The following CNOT1 variants were observed in gnomAD, a reference collection of about 807,000 sequenced individuals.
CNOT1 encodes the protein CCR4-NOT transcription complex subunit 1, also known as CCR4-associated factor 1.
CNOT1 carries 15 observed loss-of-function variants against 273.8 expected under a neutral mutation model. That is an observed-to-expected ratio of 0.05 (90% CI 0.04 to 0.08). The LOEUF is 0.08. CNOT1 is among the 10% of genes least tolerant of loss of function. The probability of loss-of-function intolerance (pLI) is 1.00; values close to 1 mark genes in which losing one functional copy is unlikely to be tolerated. For synonymous variants in CNOT1, 1,022 were observed against 1,005.5 expected, an observed-to-expected ratio of 1.02 and a Z score of -0.31; for missense variants, 1,644 against 2,912.2, an observed-to-expected ratio of 0.56 and a Z score of 10.02.
chr16:58,588,478 G>A (rs1406034106), intron 3 of CNOT1, among the ~76,000 whole-genome samples: 1 of 151,982 alleles, frequency 6.6e-6, no homozygotes, highest in Non-Finnish European at 1.5e-5. Context: ...TGCCAGATGG[G>A]GAATAAAGCT....
rs752414087 is a variant in CNOT1 at position 58,528,604 on chromosome 16, C to T, written c.6324G>A (p.Glu2108=). 1 of 1,613,690 alleles carries T rather than the reference C, an allele frequency of 6.2e-7. No individual in the cohort carries two copies. The highest frequency in any genetic ancestry group is 8.5e-7 in the Non-Finnish European group (1 of 1,179,778). Residue 2108 remains glutamate, a synonymous_variant, in exon 44 of 49, where the codon GAG becomes GAA. Coordinates refer to ENST00000317147, the MANE Select transcript of CNOT1 (RefSeq NM_016284.5). Reference sequence around the variant, plus strand: ...ACCCATAATGGTAATCACAAAGGAACTCTGGGAAATCATGCAAAAGAACCA... The same window carrying T: ...ACCCATAATGGTAATCACAAAGGAATTCTGGGAAATCATGCAAAAGAACCA... ...VLLVLLHDFP[E]FLCDYHYGFC...
intron 25 of CNOT1, among the ~76,000 whole-genome samples, chr16:58,549,314 G>A (rs577186826): frequency 2.7e-5 from 4 of 149,886 alleles, no homozygotes; most frequent in Non-Finnish European, 5.9e-5. Flanking sequence ...AAAAAAAAGG[G>A]GGCTACAGCA....
intron 22 of CNOT1, among the ~76,000 whole-genome samples, chr16:58,553,081 T>C (rs1412173222): frequency 6.6e-6 from 1 of 152,170 alleles, no homozygotes; most frequent in African/African-American, 2.4e-5. Flanking sequence ...AAGACCAGCC[T>C]GGCCAACATG....
At chr16:58,534,965 T>C (rs960742661) in intron 39 of CNOT1, among the ~76,000 whole-genome samples, 2 of 152,174 alleles carry the variant, frequency 1.3e-5, no homozygotes, top group East Asian at 3.8e-4. Flanking sequence ...AAATGTTACA[T>C]TAAGTTAAAA....
chr16:58,551,382 T>C, intron 23 of CNOT1, 110 bp from the exon 24 acceptor site: 1 of 1,289,540 alleles, frequency 7.8e-7, no homozygotes. Context: ...GGTATGACTG[T>C]GTATTAGAAA....
At chr16:58,588,362 A>T (rs554524375) in intron 3 of CNOT1, among the ~76,000 whole-genome samples, 10 of 152,010 alleles carry the variant, frequency 6.6e-5, no homozygotes, top group African/African-American at 2.2e-4. Flanking sequence ...GAGTTTTTTA[A>T]AAAAAAAACT....
intron 46 of CNOT1, 58 bp from the exon 47 acceptor site, chr16:58,523,560 A>G (rs2039481471): frequency 6.4e-7 from 1 of 1,551,824 alleles, no homozygotes; most frequent in Non-Finnish European, 8.8e-7. Context: ...ATGGGAAGAC[A>G]GTTCTAACTG....
rs375062101 is a variant in CNOT1, at chr16:58,549,700, T to C, written c.3522+19A>G. On this transcript the variant is annotated intron_variant, in intron 25 of 48. Coordinates refer to ENST00000317147, the MANE Select transcript of CNOT1 (RefSeq NM_016284.5). ...AATTCAAAGCAATAATTAAAGGAAA[T>C]ATAAGAACCAACTCTTACTTTAATG... The C allele has an allele frequency of 1.6e-5, 25 of 1,574,800 alleles. No homozygotes were observed. Among genetic ancestry groups the C allele is most frequent in the Non-Finnish European group, 2.1e-5 (24 of 1,166,796 alleles).
chr16:58,538,265 A>C lies in CNOT1; in HGVS notation c.5137T>G (p.Cys1713Gly). ...TATTCATCTCGACATTCAATTAGGC[A>C]CCTAGAAAAAGTTCAATATCTTTAC... ...SPWCNKQITRCLIECRDEYKY... is the reference protein window; with the variant it reads ...SPWCNKQITRGLIECRDEYKY... The change falls in exon 37 of 49, where the codon TGC becomes GGC. Residue 1713 changes from cysteine (C) to glycine (G), a missense_variant and splice_region_variant. Transcript: ENST00000317147. 8.1e-7 allele frequency: 1 copy of C among 1,240,646 alleles called. No individual in the cohort carries two copies. The highest frequency in any genetic ancestry group is 1.2e-5 in the South Asian group (1 of 83,570). 76.9% of individuals were successfully genotyped at this position (1,240,646 alleles called of 1,614,324 possible). A position where few individuals can be genotyped will look rare whatever the true frequency, so the allele number is the denominator to read the frequency against.
At chr16:58,581,614 T>A (rs2041658647) in intron 10 of CNOT1, 99 bp from the exon 11 acceptor site, 3 of 1,433,230 alleles carry the variant, frequency 2.1e-6, no homozygotes, top group Non-Finnish European at 2.7e-6. Context: ...ATTTAGATGT[T>A]CTACTTACAA....
intron 44 of CNOT1, chr16:58,528,163 T>C (rs2039663767): frequency 3.9e-6 from 2 of 518,922 alleles, no homozygotes; most frequent in Non-Finnish European, 7.4e-6. Context: ...TTCTTTGCCA[T>C]GTGGGGCACA....
chr16:58,570,581 C>T (rs2151957263), intron 16 of CNOT1, among the ~76,000 whole-genome samples: 1 of 152,272 alleles, frequency 6.6e-6, no homozygotes, highest in East Asian at 1.9e-4. Flanking sequence ...GAGCTGTGAT[C>T]GTGTCCTGCG....
At chr16:58,593,008 C>A (rs1369229426) in intron 2 of CNOT1, among the ~76,000 whole-genome samples, 1 of 152,096 alleles carries the variant, frequency 6.6e-6, no homozygotes, top group Non-Finnish European at 1.5e-5. Context: ...CTCAAGCATG[C>A]CCAAGATTGT....
intron 33 of CNOT1, among the ~76,000 whole-genome samples, chr16:58,541,827 T>C (rs2040103518): frequency 6.6e-6 from 1 of 152,192 alleles, no homozygotes; most frequent in Non-Finnish European, 1.5e-5. Flanking sequence ...TCACCTCATT[T>C]ATAAATTAAC....
At chr16:58,584,249 CTTCT>C (rs75514500) in intron 8 of CNOT1, among the ~76,000 whole-genome samples, 118 of 152,082 alleles carry the variant, frequency 7.8e-4, no homozygotes, top group Non-Finnish European at 1.5e-3. Flanking sequence ...TATCTTCAAT[CTTCT>C]TTAAGATTTT....
Position 58,574,593 on chromosome 16 carries a change from T to C in CNOT1, c.1979+16A>G, listed in dbSNP as rs761478526. Reference sequence around the variant, plus strand: ...TCCAATTCAAAAAAAGTCATATTCATGTATGTACTTCTTACCCTGCACAAG... The same window carrying C: ...TCCAATTCAAAAAAAGTCATATTCACGTATGTACTTCTTACCCTGCACAAG... On this transcript the variant is annotated intron_variant, in intron 16 of 48. Transcript: ENST00000317147. 5 of 1,564,338 alleles carry C rather than the reference T, an allele frequency of 3.2e-6. No individual in the cohort carries two copies. The highest frequency in any genetic ancestry group is 4.3e-6 in the Non-Finnish European group (5 of 1,162,776).
chr16:58,579,821 C>T (rs1486538666), intron 12 of CNOT1, among the ~76,000 whole-genome samples: 4 of 152,124 alleles, frequency 2.6e-5, no homozygotes, highest in African/African-American at 9.7e-5. Context: ...GGACAGAGTT[C>T]CAAGAGAAAC....
In CNOT1 at chr16:58,585,340, T is replaced by C. The variant is rs1567423793; in HGVS notation, c.804A>G (p.Ala268=). The C allele has an allele frequency of 1.2e-6, 2 of 1,613,822 alleles. No individual in the cohort carries two copies. Among genetic ancestry groups the C allele is most frequent in the Non-Finnish European group, 1.7e-6 (2 of 1,179,998 alleles). Residue 268 remains alanine (A), a splice_region_variant and synonymous_variant, in exon 8 of 49, where the codon GCA becomes GCG. Transcript: ENST00000317147. ...GCTTAACACATTTTACTACCAACCT[T>C]GCACAAAAGCCATAGCCTACTTCTT... The part of the protein sequence containing the change: ...FMQEVGYGFC[A]SIEECRNIIV...
At chr16:58,555,588 G>A in intron 20 of CNOT1, 51 bp from the exon 21 acceptor site, 1 of 1,574,986 alleles carries the variant, frequency 6.3e-7, no homozygotes, top group Non-Finnish European at 8.6e-7. Context: ...CAATTACTAA[G>A]AGCCTTTCTC....
Sources: gnomAD v4.1 joint callset for allele counts (sites outside exome capture counted in the v4.1 genomes callset) on GRCh38, gnomAD v4.1.1 for gene constraint, MANE v1.5 for transcripts, NCBI Gene and HGNC (gene_info 2026-07-23, HGNC 2026-07-21) for gene names.